CLCNKB: variants seen among roughly 807,000 people sequenced by gnomAD.
The protein encoded by CLCNKB is chloride voltage-gated channel Kb.
In CLCNKB, 74 loss-of-function variants were observed where a neutral mutation model predicts 83.8. That is an observed-to-expected ratio of 0.88 (90% CI 0.73 to 1.07). CLCNKB has a LOEUF of 1.07. Ranked by LOEUF, CLCNKB falls within the 50% of genes least tolerant of loss-of-function variation. The pLI, the probability that CLCNKB is intolerant of heterozygous loss-of-function variation, is 0.00. For synonymous variants in CLCNKB, 358 were observed against 356.6 expected, an observed-to-expected ratio of 1.00 and a Z score of -0.04; for missense variants, 798 against 893.6, an observed-to-expected ratio of 0.89 and a Z score of 1.36.
intron 12 of CLCNKB, 55 bp downstream of exon 12, chr1:16,051,103 T>TGG (rs60943704): frequency 1.9e-6 from 3 of 1,611,566 alleles, no homozygotes; most frequent in African/African-American, 1.3e-5. Flanking sequence ...CTGGTGGTGG[T>TGG]GGGGGGTACC....
At chr1:16,046,012 C>T (rs1308784103) in intron 3 of CLCNKB, among the ~76,000 whole-genome samples, 1 of 152,344 alleles carries the variant, frequency 6.6e-6, no homozygotes, top group South Asian at 2.1e-4. Context: ...GGGCACTTCC[C>T]TATAACACTA....
At chr1:16,055,287 A>G in intron 16 of CLCNKB, 148 bp from the exon 17 acceptor site, 1 of 746,234 alleles carries the variant, frequency 1.3e-6, no homozygotes. Context: ...CTCTGAGCCA[A>G]AGTTTCCTGT....
intron 18 of CLCNKB, among the ~76,000 whole-genome samples, 193 bp from the exon 19 acceptor site, chr1:16,056,229 C>T (rs1251786458): frequency 1.3e-5 from 2 of 152,084 alleles, no homozygotes; most frequent in Admixed American, 6.5e-5. Flanking sequence ...TGTTTACCTG[C>T]GGCCCCGCCC....
chr1:16,050,682 A>T (rs547416967), intron 11 of CLCNKB, 82 bp downstream of exon 11: 11 of 1,509,490 alleles, frequency 7.3e-6, no homozygotes, highest in Non-Finnish European at 1.0e-5. Flanking sequence ...TAATCCCCCC[A>T]ATACCCCATA....
intron 13 of CLCNKB, 73 bp downstream of exon 13, chr1:16,051,620 C>G: frequency 6.2e-7 from 1 of 1,605,756 alleles, no homozygotes; most frequent in Non-Finnish European, 8.5e-7. Flanking sequence ...GGTTCACCCT[C>G]CCCAGGTTGT....
Position 16,055,739 on chromosome 1 carries a change from C to T in CLCNKB, c.1910C>T (p.Pro637Leu), listed in dbSNP as rs2023418579. ...GAACCAGTGACCCTGAAGCTGTCCC[C>T]AGAGACTTCCCTGCATGAGGTAACG... ...PTEPVTLKLS[P>L]ETSLHEAHNL... The change falls in exon 18 of 20, where the codon CCA becomes CTA. Residue 637 changes from proline to leucine, a missense_variant. Coordinates refer to ENST00000375679, the MANE Select transcript of CLCNKB (RefSeq NM_000085.5). The T allele has an allele frequency of 6.2e-7, 1 of 1,613,904 alleles. No homozygotes were observed. Among genetic ancestry groups the T allele is most frequent in the Non-Finnish European group, 8.5e-7 (1 of 1,180,006 alleles).
rs1467386017 is a variant in CLCNKB, at chr1:16,044,643, A to G, written c.100+51A>G. On this transcript the variant is annotated intron_variant, in intron 2 of 19. Coordinates refer to ENST00000375679, the MANE Select transcript of CLCNKB (RefSeq NM_000085.5). ...CCCCTGGAGGACCACTCAGGACATC[A>G]TTCCTGCCCAGCTCCCACCCCACCT... 2.8e-6 allele frequency: 4 copies of G among 1,448,306 alleles called. No homozygotes were observed. The African/African-American group carries it at 5.6e-5, about 20-fold the overall frequency. The allele number at this position is 1,448,306 out of a possible 1,614,324, so 89.7% of individuals were successfully genotyped here.
intron 1 of CLCNKB, 57 bp from the exon 2 acceptor site, chr1:16,044,429 G>T: frequency 1.4e-6 from 2 of 1,406,216 alleles, no homozygotes; most frequent in Non-Finnish European, 2.0e-6. Context: ...GGGCCTAGAG[G>T]CAGTGCGAGG....
At position 16,051,724 on chromosome 1, in the gene CLCNKB, C is replaced by T. The variant is rs121909133; in HGVS notation, c.1312C>T (p.Arg438Cys). Residue 438 changes from arginine to cysteine, a missense_variant, in exon 14 of 20, where the codon CGC (arginine) becomes TGC (cysteine). Coordinates refer to ENST00000375679, the MANE Select transcript of CLCNKB (RefSeq NM_000085.5). The stretch of plus-strand genomic sequence containing the variant: ...TCTGTGGCCAGGAGCTGCTATCGGG[C>T]GCCTCTTTGGGGAGACTCTCTCTTT... ...PIFVYGAAIG[R>C]LFGETLSFIF... The T allele has an allele frequency of 2.3e-5, 37 of 1,613,726 alleles. No homozygotes were observed. Among genetic ancestry groups the T allele is most frequent in the African/African-American group, 9.4e-5 (7 of 74,858 alleles).
Position 16,052,513 on chromosome 1 carries a change from C to T in CLCNKB, c.1622+102C>T, listed in dbSNP as rs2050522. ...AAAGAAACGCCACCGTAGCTGACCT[C>T]GGACATGGGGGCTGACACACAGCTG... On this transcript the variant is annotated intron_variant, in intron 15 of 19. Coordinates refer to ENST00000375679, the MANE Select transcript of CLCNKB (RefSeq NM_000085.5). 1,194,249 of 1,470,312 alleles carry T rather than the reference C, an allele frequency of 0.81. 492,262 individuals carry two copies. Among genetic ancestry groups the T allele is most frequent in the East Asian group, 0.99 (42,192 of 42,796 alleles). 91.1% of individuals were successfully genotyped at this position (1,470,312 alleles called of 1,614,324 possible).
Position 16,049,256 on chromosome 1 carries a change from T to G in CLCNKB, c.781+11T>G, listed in dbSNP as rs765749738. Reference sequence around the variant, plus strand: ...TCAACAGCGAGCAGGGTGAGCCCCCTGGGCTGCCTGACCCTGGCCCTGCCT... The same window carrying G: ...TCAACAGCGAGCAGGGTGAGCCCCCGGGGCTGCCTGACCCTGGCCCTGCCT... On this transcript the variant is annotated intron_variant, in intron 8 of 19. Coordinates refer to ENST00000375679, the MANE Select transcript of CLCNKB (RefSeq NM_000085.5). 4.3e-6 allele frequency: 7 copies of G among 1,613,276 alleles called. No individual in the cohort carries two copies. The Admixed American group carries it at 1.0e-4, about 23-fold the overall frequency.
At chr1:16,056,843 A>ACCCCCCCCCCCC in intron 19 of CLCNKB, 26 bp from the exon 20 acceptor site, 1 of 695,038 alleles carries the variant, frequency 1.4e-6, no homozygotes. Context: ...ATCCCCCCGC[A>ACCCCCCCCCCCC]CCTCCACCCC....
chr1:16,049,923 T>C lies in CLCNKB; in HGVS notation c.968+7T>C. The C allele has an allele frequency of 2.0e-6, 3 of 1,537,752 alleles. No individual in the cohort carries two copies. Among genetic ancestry groups the C allele is most frequent in the Non-Finnish European group, 2.6e-6 (3 of 1,136,732 alleles). On this transcript the variant is annotated splice_region_variant and intron_variant, in intron 10 of 19. Coordinates refer to ENST00000375679, the MANE Select transcript of CLCNKB (RefSeq NM_000085.5). ...CCAAACTGCTGGCCACCAGGTAGGC[T>C]CCGGGCTAAGGGCTGGGGACCTCTC...
At position 16,046,541 on chromosome 1, in the gene CLCNKB, A is replaced by G. The variant is rs2023105293; in HGVS notation, c.236A>G (p.Gln79Arg). The G allele has an allele frequency of 6.2e-7, 1 of 1,613,958 alleles. No homozygotes were observed. Among genetic ancestry groups the G allele is most frequent in the Non-Finnish European group, 8.5e-7 (1 of 1,179,998 alleles). Residue 79 changes from glutamine to arginine, a missense_variant, in exon 4 of 20, where the codon CAG (glutamine) becomes CGG (arginine). By Grantham distance (43) the Gln-to-Arg change is conservative. Transcript: ENST00000375679. ...LAVESVVRAH[Q>R]WLYREIGDSH... ...GATACCCGGCTGTCCCCAGCGCACC[A>G]GTGGCTGTACAGGGAGATTGGGGAC...
intron 13 of CLCNKB, 36 bp downstream of exon 13, chr1:16,051,583 G>C (rs751299514): frequency 9.9e-6 from 16 of 1,612,888 alleles, no homozygotes; most frequent in Non-Finnish European, 1.4e-5. Flanking sequence ...AGAGTTTCGG[G>C]GTTCTTGGGG....
In CLCNKB at chr1:16,054,445, C is replaced by T. The variant is rs188766455; in HGVS notation, c.1756+673C>T. ...CAACCTGTACAACCATATGGGTCAC[C>T]CCTATGCCCACCCCAAGAGGGATAA... On this transcript the variant is annotated intron_variant, in intron 16 of 19. Coordinates refer to ENST00000375679, the MANE Select transcript of CLCNKB (RefSeq NM_000085.5). Among the ~76,000 whole-genome samples the T allele has an allele frequency of 2.2e-3, 330 of 152,234 alleles. 2 individuals are homozygous for T. Among genetic ancestry groups the T allele is most frequent in the African/African-American group, 7.7e-3 (319 of 41,506 alleles).
At chr1:16,052,139 T>C in intron 14 of CLCNKB, 59 bp from the exon 15 acceptor site, 1 of 1,601,074 alleles carries the variant, frequency 6.2e-7, no homozygotes, top group Non-Finnish European at 8.5e-7. Flanking sequence ...GTGCCAGCCT[T>C]GCCCTAACAT....
chr1:16,056,815 C>T (rs1234440003), intron 19 of CLCNKB, 54 bp from the exon 20 acceptor site: 10 of 889,602 alleles, frequency 1.1e-5, no homozygotes. Flanking sequence ...CTGGAGCCCC[C>T]CTCACAACCT....
intron 1 of CLCNKB, 28 bp from the exon 2 acceptor site, chr1:16,044,458 C>A: frequency 6.4e-7 from 1 of 1,562,482 alleles, no homozygotes; most frequent in Non-Finnish European, 8.7e-7. Context: ...CAGCTCACCG[C>A]GGTCCCTCCC....
Sources: gnomAD v4.1 joint callset for allele counts (sites outside exome capture counted in the v4.1 genomes callset) on GRCh38, gnomAD v4.1.1 for gene constraint, MANE v1.5 for transcripts, NCBI Gene and HGNC (gene_info 2026-07-23, HGNC 2026-07-21) for gene names.